The following UGT2B4 variants were observed in gnomAD, a reference collection of about 807,000 sequenced individuals.
The protein encoded by UGT2B4 is UDP glucuronosyltransferase family 2 member B4, also known as UDP-glucuronosyltransferase 2B4.
In UGT2B4, 49 loss-of-function variants were observed where a neutral mutation model predicts 49.8. The ratio of observed to expected loss-of-function variants is 0.98; its 90% CI spans 0.78 to 1.25. The LOEUF (loss-of-function observed/expected upper bound fraction) is 1.25, where lower values mean the gene tolerates loss of function less well. Among genes scored for constraint, UGT2B4 ranks in the 50% most tolerant of loss-of-function variants. UGT2B4 has a pLI of 0.00. For missense variants in UGT2B4, 729 were observed against 627.7 expected (o/e 1.16, Z -1.73); for synonymous variants, 246 against 217.7 (o/e 1.13, Z -1.14).
At chr4:69,510,468 A>T (rs2109827230) in intron 1 of UGT2B4, among the ~76,000 whole-genome samples, 1 of 151,940 alleles carries the variant, frequency 6.6e-6, no homozygotes, top group South Asian at 2.1e-4. Context: ...GAATGTTTAA[A>T]CAGTATTGTT....
intron 1 of UGT2B4, among the ~76,000 whole-genome samples, chr4:69,513,201 G>A (rs1159751235): frequency 1.3e-5 from 2 of 152,150 alleles, no homozygotes; most frequent in Non-Finnish European, 2.9e-5. Context: ...TTCTTCTAGA[G>A]TTTTTGCAGT....
intron 1 of UGT2B4, among the ~76,000 whole-genome samples, chr4:69,520,889 C>G (rs1356205557): frequency 6.6e-6 from 1 of 152,148 alleles, no homozygotes; most frequent in Non-Finnish European, 1.5e-5. Context: ...GCTAGGGGCA[C>G]CCTAAAGCCT....
chr4:69,488,184 G>A (rs1017454737), intron 3 of UGT2B4, among the ~76,000 whole-genome samples: 24 of 152,060 alleles, frequency 1.6e-4, no homozygotes, highest in African/African-American at 5.6e-4. Flanking sequence ...TGGATATTTT[G>A]TCAATGTAGA....
chr4:69,503,591 C>G (rs1301096947), intron 1 of UGT2B4, among the ~76,000 whole-genome samples: 1 of 152,194 alleles, frequency 6.6e-6, no homozygotes, highest in Non-Finnish European at 1.5e-5. Context: ...AGTCCCCCAC[C>G]CTTGTGCTAA....
At chr4:69,489,682 T>A in intron 2 of UGT2B4, 112 bp from the exon 3 acceptor site, 1 of 1,440,370 alleles carries the variant, frequency 6.9e-7, no homozygotes, top group Non-Finnish European at 9.3e-7. Context: ...ATTATTGGAG[T>A]AAAGGATGTT....
intron 1 of UGT2B4, among the ~76,000 whole-genome samples, chr4:69,502,333 G>A (rs895987473): frequency 1.3e-5 from 2 of 151,694 alleles, no homozygotes; most frequent in African/African-American, 4.8e-5. Flanking sequence ...CATCACCGAG[G>A]TATTAACACA....
intron 1 of UGT2B4, among the ~76,000 whole-genome samples, chr4:69,517,008 A>G (rs1434184419): frequency 3.9e-5 from 6 of 152,036 alleles, no homozygotes; most frequent in Admixed American, 2.6e-4. Flanking sequence ...TACCTTGTAG[A>G]TTATGACTAT....
At chr4:69,496,487 T>C (rs1303794044), upstream of UGT2B4, among the ~76,000 whole-genome samples, 1 of 152,208 alleles carries the variant, frequency 6.6e-6, no homozygotes, top group Non-Finnish European at 1.5e-5. Flanking sequence ...AATAGCTAAA[T>C]GTGGTTCAAA....
At chr4:69,521,251 C>G (rs1728843331) in intron 1 of UGT2B4, among the ~76,000 whole-genome samples, 1 of 152,180 alleles carries the variant, frequency 6.6e-6, no homozygotes, top group Non-Finnish European at 1.5e-5. Flanking sequence ...CACAAACCAG[C>G]CTGAAACATG....
Position 69,488,103 on chromosome 4 carries a change from A to G in UGT2B4, c.1002+1336T>C, listed in dbSNP as rs1727848904. On this transcript the variant is annotated intron_variant, in intron 3 of 5. Coordinates refer to ENST00000305107, the MANE Select transcript of UGT2B4 (RefSeq NM_021139.3). ...TCTTGGAAATTACAAATTATCAAGAACTACTTCCAAGAAAAATTTCAAGTG... is the reference window on the plus strand; with the variant it reads ...TCTTGGAAATTACAAATTATCAAGAGCTACTTCCAAGAAAAATTTCAAGTG... Among the ~76,000 whole-genome samples the G allele has an allele frequency of 7.2e-5, 11 of 152,326 alleles. 1 individual carries two copies. The South Asian group carries it at 2.1e-3, about 29-fold the overall frequency.
At chr4:69,522,214 A>AATT (rs1728864206) in intron 1 of UGT2B4, among the ~76,000 whole-genome samples, 1 of 152,190 alleles carries the variant, frequency 6.6e-6, no homozygotes, top group African/African-American at 2.4e-5. Context: ...AGAAATTAGA[A>AATT]ATCATATTTA....
At chr4:69,512,407 T>G (rs947126811) in intron 1 of UGT2B4, among the ~76,000 whole-genome samples, 1 of 152,192 alleles carries the variant, frequency 6.6e-6, no homozygotes, top group Non-Finnish European at 1.5e-5. Context: ...TATGTATTGC[T>G]TATTCGACAG....
upstream of UGT2B4, among the ~76,000 whole-genome samples, chr4:69,498,069 T>A (rs1471143611): frequency 6.6e-6 from 1 of 152,232 alleles, no homozygotes; most frequent in Non-Finnish European, 1.5e-5. Flanking sequence ...AGCAAAGAAG[T>A]GTTTTTAATT....
upstream of UGT2B4, among the ~76,000 whole-genome samples, chr4:69,498,458 G>T (rs967047647): frequency 3.3e-5 from 5 of 151,168 alleles, no homozygotes; most frequent in Non-Finnish European, 7.4e-5. Flanking sequence ...CTGATACACA[G>T]AGAATGGAGA....
intron 1 of UGT2B4, among the ~76,000 whole-genome samples, chr4:69,507,508 G>C (rs1728504060): frequency 6.6e-6 from 1 of 151,914 alleles, no homozygotes; most frequent in Admixed American, 6.6e-5. Flanking sequence ...AATACAGATA[G>C]GTGAAAGATC....
intron 3 of UGT2B4, among the ~76,000 whole-genome samples, chr4:69,489,180 C>G (rs1352472944): frequency 2.6e-5 from 4 of 152,016 alleles, no homozygotes; most frequent in Non-Finnish European, 4.4e-5. Context: ...CATGATAATA[C>G]CAAAACTTTA....
intron 1 of UGT2B4, among the ~76,000 whole-genome samples, chr4:69,515,528 T>C (rs1006289664): frequency 1.3e-5 from 2 of 152,142 alleles, no homozygotes; most frequent in Admixed American, 6.6e-5. Flanking sequence ...GGGAAATCTA[T>C]AGCACTAGAT....
intron 1 of UGT2B4, among the ~76,000 whole-genome samples, chr4:69,505,960 T>C (rs1728457286): frequency 6.6e-6 from 1 of 152,152 alleles, no homozygotes; most frequent in South Asian, 2.1e-4. Flanking sequence ...AAATAATGAC[T>C]ACTCCTGAAT....
At position 69,489,549 on chromosome 4, in the gene UGT2B4, T is replaced by C. The variant is rs1231068700; in HGVS notation, c.892A>G (p.Ser298Gly). The C allele has an allele frequency of 3.1e-6, 5 of 1,610,114 alleles. No homozygotes were observed. In the African/African-American group the frequency reaches 5.4e-5, roughly 17 times the overall value. The change falls in exon 3 of 6, where the codon AGC (serine) becomes GGC (glycine). Residue 298 changes from serine (S) to glycine (G), a missense_variant. Transcript: ENST00000305107. ...LPKEMEEFVQ[S>G]SGENGVVVFS... ...ACCACAACACCATTTTCTCCAGAGC[T>C]CTGGACAAACTCTTCCATTTCCTGT... is the stretch of plus-strand genomic sequence containing the variant.
Sources: allele counts gnomAD v4.1 joint callset (sites outside exome capture counted in the v4.1 genomes callset), GRCh38; gene constraint gnomAD v4.1.1; transcripts MANE v1.5; gene names NCBI Gene and HGNC (gene_info 2026-07-23, HGNC 2026-07-21).